GRIA2: variants seen among roughly 807,000 people sequenced by gnomAD.
The protein encoded by GRIA2 is glutamate ionotropic receptor AMPA type subunit 2, also known as glutamate receptor 2.
Under a neutral mutation model 97.3 loss-of-function variants are expected in GRIA2, and 14 were observed. The observed-to-expected ratio is 0.14, with a 90% confidence interval of 0.10 to 0.23. GRIA2 has a LOEUF of 0.23. Ranked by LOEUF, GRIA2 falls within the 10% of genes least tolerant of loss-of-function variation. The pLI is 1.00. For synonymous variants in GRIA2, 412 were observed against 387.8 expected (o/e 1.06, Z -0.73); for missense variants, 558 against 1,069.8 (o/e 0.52, Z 6.67).
chr4:157,316,830 A>G (rs1381419953), intron 4 of GRIA2, among the ~76,000 whole-genome samples: 4 of 152,220 alleles, frequency 2.6e-5, no homozygotes, highest in Admixed American at 2.0e-4. Flanking sequence ...TAAAAAACAT[A>G]CATTACATTA....
chr4:157,234,403 T>C (rs977458150), intron 2 of GRIA2, among the ~76,000 whole-genome samples: 2 of 152,132 alleles, frequency 1.3e-5, no homozygotes, highest in African/African-American at 4.8e-5. Context: ...TATTATCATT[T>C]TTAGAATACT....
At chr4:157,292,490 A>G (rs931430502) in intron 2 of GRIA2, among the ~76,000 whole-genome samples, 4 of 152,068 alleles carry the variant, frequency 2.6e-5, no homozygotes, top group Non-Finnish European at 5.9e-5. Context: ...TACACAAGAC[A>G]TAAAATTTAG....
chr4:157,220,652 ATGTGTG>A (rs60010721), upstream of GRIA2: 2,363 of 184,140 alleles, frequency 0.013, 5 homozygotes, highest in South Asian at 0.027. Flanking sequence ...GCGTGTGTGT[ATGTGTG>A]TGTGTGTGTG....
intron 2 of GRIA2, among the ~76,000 whole-genome samples, chr4:157,270,338 C>G (rs556259501): frequency 6.6e-6 from 1 of 152,184 alleles, no homozygotes; most frequent in South Asian, 2.1e-4. Flanking sequence ...TGAGAGCATA[C>G]CACCTGGCAG....
At chr4:157,238,813 A>G (rs940792822) in intron 2 of GRIA2, among the ~76,000 whole-genome samples, 1 of 152,160 alleles carries the variant, frequency 6.6e-6, no homozygotes, top group Non-Finnish European at 1.5e-5. Context: ...AATCCCATCA[A>G]TAGTCTATGA....
intron 5 of GRIA2, among the ~76,000 whole-genome samples, chr4:157,318,964 G>A (rs1734441515): frequency 6.6e-6 from 1 of 152,144 alleles, no homozygotes; most frequent in African/African-American, 2.4e-5. Context: ...CCTTCCAACT[G>A]ATAAATGTTG....
chr4:157,345,867 T>C (rs1735742627), intron 12 of GRIA2, among the ~76,000 whole-genome samples: 1 of 152,162 alleles, frequency 6.6e-6, no homozygotes, highest in South Asian at 2.1e-4. Context: ...AAAATAAAGG[T>C]ATTTGCCTTC....
intron 2 of GRIA2, among the ~76,000 whole-genome samples, chr4:157,252,694 T>A (rs1393029586): frequency 6.6e-6 from 1 of 152,130 alleles, no homozygotes; most frequent in Non-Finnish European, 1.5e-5. Context: ...AATGATCCAG[T>A]CAAGCACAAG....
chr4:157,325,681 A>G (rs1011312388), intron 6 of GRIA2, among the ~76,000 whole-genome samples: 6 of 152,158 alleles, frequency 3.9e-5, no homozygotes, highest in Non-Finnish European at 8.8e-5. Context: ...GTTGATGGCA[A>G]CTACGTCTTT....
intron 2 of GRIA2, among the ~76,000 whole-genome samples, chr4:157,224,486 T>G (rs890380412): frequency 6.6e-5 from 10 of 152,162 alleles, no homozygotes; most frequent in African/African-American, 2.4e-4. Flanking sequence ...TCTGAGACAT[T>G]TCAAAATTTA....
chr4:157,223,267 G>C lies in GRIA2; in HGVS notation c.229+1460G>C, dbSNP rs1157303091. Among the ~76,000 whole-genome samples the C allele has an allele frequency of 2.0e-5, 3 of 152,100 alleles. No homozygotes were observed. The East Asian group carries it at 5.8e-4, about 29-fold the overall frequency. On this transcript the variant is annotated intron_variant, in intron 2 of 15. Coordinates refer to ENST00000264426, the MANE Select transcript of GRIA2 (RefSeq NM_001083619.3). ...AATTTTCTTAGACTGATAGAATAGG[G>C]GCATTGTGTGGTAATTTAGGATTTA...
intron 12 of GRIA2, among the ~76,000 whole-genome samples, chr4:157,358,893 TA>T (rs1354218800): frequency 6.6e-6 from 1 of 152,090 alleles, no homozygotes; most frequent in African/African-American, 2.4e-5. Context: ...TTCCTTAGAA[TA>T]AAAAACAAAC....
At chr4:157,240,815 C>T (rs1341441782) in intron 2 of GRIA2, among the ~76,000 whole-genome samples, 1 of 151,850 alleles carries the variant, frequency 6.6e-6, no homozygotes, top group Non-Finnish European at 1.5e-5. Context: ...CCCACTAACT[C>T]GTCATCTAGC....
chr4:157,355,250 G>A (rs1254617132), intron 12 of GRIA2, among the ~76,000 whole-genome samples: 1 of 151,930 alleles, frequency 6.6e-6, no homozygotes, highest in African/African-American at 2.4e-5. Context: ...TCTTCCGGCC[G>A]GGCACAGTGG....
At chr4:157,275,565 C>A (rs10008579) in intron 2 of GRIA2, among the ~76,000 whole-genome samples, 54,840 of 151,890 alleles carry the variant, frequency 0.36, 10,400 homozygotes, top group African/African-American at 0.47. Context: ...AGGAAGGGAT[C>A]CAGTTTCAGC....
chr4:157,301,797 G>C (rs951692875), intron 2 of GRIA2, among the ~76,000 whole-genome samples: 1 of 152,122 alleles, frequency 6.6e-6, no homozygotes, highest in African/African-American at 2.4e-5. Context: ...TAGGTTGTTA[G>C]ATTGTGTTTC....
At chr4:157,343,086 CT>C (rs1283297337) in intron 12 of GRIA2, among the ~76,000 whole-genome samples, 1 of 152,200 alleles carries the variant, frequency 6.6e-6, no homozygotes, top group Non-Finnish European at 1.5e-5. Context: ...TGTTGCTACT[CT>C]TTTGTTTCAG....
At chr4:157,281,277 C>T (rs1253982891) in intron 2 of GRIA2, among the ~76,000 whole-genome samples, 1 of 152,094 alleles carries the variant, frequency 6.6e-6, no homozygotes, top group East Asian at 1.9e-4. Flanking sequence ...ACATATCATA[C>T]TTCCTAGAAG....
intron 12 of GRIA2, among the ~76,000 whole-genome samples, chr4:157,347,571 A>T (rs553743230): frequency 5.1e-4 from 77 of 152,316 alleles, no homozygotes; most frequent in Middle Eastern, 6.8e-3. Context: ...TGCTTCAGAG[A>T]GAATATTAAT....
Sources: gnomAD v4.1 joint callset for allele counts (sites outside exome capture counted in the v4.1 genomes callset) on GRCh38, gnomAD v4.1.1 for gene constraint, MANE v1.5 for transcripts, NCBI Gene and HGNC (gene_info 2026-07-23, HGNC 2026-07-21) for gene names.